The following GPM6B variants were observed in gnomAD, a reference collection of about 807,000 sequenced individuals.
GPM6B encodes glycoprotein M6B.
A neutral mutation model predicts 27.2 loss-of-function variants in GPM6B; 4 were observed. The observed-to-expected ratio is 0.15, with a 90% CI of 0.07 to 0.34. The LOEUF (loss-of-function observed/expected upper bound fraction) is 0.34, where lower values mean the gene tolerates loss of function less well. Among genes scored for constraint, GPM6B ranks in the 10% least tolerant of loss-of-function variants. The probability of loss-of-function intolerance (pLI) is 1.00; values close to 1 mark genes in which losing one functional copy is unlikely to be tolerated. For synonymous variants in GPM6B, 124 were observed against 103.1 expected (o/e 1.20, Z -1.23); for missense variants, 183 against 261.9 (o/e 0.70, Z 2.08).
At position 13,934,247 on chromosome X, in the gene GPM6B, G is replaced by A. The variant is rs111428914; in HGVS notation, c.-198+4080C>T. On this transcript the variant is annotated intron_variant, in intron 1 of 6. Transcript: ENST00000398361. ...GGAGCTCTCTCCAAGATCCAAGGGTGGGCTCCTTACTAGATCTTTAGACTC... is the reference window on the plus strand; with the variant it reads ...GGAGCTCTCTCCAAGATCCAAGGGTAGGCTCCTTACTAGATCTTTAGACTC... Among the ~76,000 whole-genome samples the A allele has an allele frequency of 2.4e-3, 271 of 111,238 alleles. 1 individual carries two copies. Among genetic ancestry groups the A allele is most frequent in the African/African-American group, 8.4e-3 (258 of 30,639 alleles).
chrX:13,861,005 T>TACACACAC (rs55808485), intron 1 of GPM6B, among the ~76,000 whole-genome samples: 4 of 79,387 alleles, frequency 5.0e-5, no homozygotes, highest in African/African-American at 2.5e-4. Context: ...TGAATGTGCA[T>TACACACAC]ACACACACAC....
chrX:13,794,336 T>C (rs112755267), intron 2 of GPM6B, among the ~76,000 whole-genome samples: 3 of 111,129 alleles, frequency 2.7e-5, no homozygotes, highest in African/African-American at 9.8e-5. Context: ...AGGAAAACTT[T>C]AACCTGCGTA....
chrX:13,857,253 C>T (rs2049792022), intron 1 of GPM6B, among the ~76,000 whole-genome samples: 1 of 111,569 alleles, frequency 9.0e-6, no homozygotes, highest in Non-Finnish European at 1.9e-5. Context: ...TGGCTTATGA[C>T]CTGGACATCT....
intron 1 of GPM6B, among the ~76,000 whole-genome samples, chrX:13,903,858 G>C (rs1220137853): frequency 1.8e-5 from 2 of 111,737 alleles, no homozygotes; most frequent in Non-Finnish European, 3.8e-5. Context: ...GGGCTTTGAA[G>C]GCTGGGTGGA....
chrX:13,774,140 C>A, intron 7 of GPM6B: 1 of 758,226 alleles, frequency 1.3e-6, no homozygotes, highest in Non-Finnish European at 1.6e-6. Flanking sequence ...TAAAACGGTT[C>A]TCTTCCATTT....
intron 5 of GPM6B, among the ~76,000 whole-genome samples, chrX:13,778,482 T>C (rs1020289286): frequency 8.9e-6 from 1 of 112,466 alleles, no homozygotes. Flanking sequence ...TGCTGCTTTT[T>C]TTCCCCTTTA....
chrX:13,791,827 G>A lies in GPM6B; in HGVS notation c.182-6019C>T, dbSNP rs184457027. Among the ~76,000 whole-genome samples the A allele has an allele frequency of 6.0e-3, 659 of 110,595 alleles. 4 individuals are homozygous for A. The highest frequency in any genetic ancestry group is 8.5e-3 in the Non-Finnish European group (451 of 52,917). On this transcript the variant is annotated intron_variant, in intron 2 of 7. Transcript: ENST00000316715. ...CTGCAGATTTAATGCTGGCTCAGAC[G>A]TAGGGCTGGCAGGAACAAGGGCTCA...
chrX:13,815,128 T>C (rs2049209748), intron 1 of GPM6B, among the ~76,000 whole-genome samples: 1 of 111,992 alleles, frequency 8.9e-6, no homozygotes, highest in Non-Finnish European at 1.9e-5. Flanking sequence ...CACAGTTGTG[T>C]AGTAATGATT....
chrX:13,852,652 T>C (rs1285103226), intron 1 of GPM6B, among the ~76,000 whole-genome samples: 3 of 111,589 alleles, frequency 2.7e-5, no homozygotes, highest in Non-Finnish European at 5.6e-5. Context: ...CGTTCTATTC[T>C]AGCTGCAGTC....
intron 1 of GPM6B, among the ~76,000 whole-genome samples, chrX:13,837,428 G>A (rs1213424129): frequency 1.8e-5 from 2 of 111,499 alleles, no homozygotes; most frequent in African/African-American, 3.3e-5. Context: ...TGGGGGAAGG[G>A]CAGAACAGAC....
chrX:13,866,324 T>C (rs188650481), intron 1 of GPM6B, among the ~76,000 whole-genome samples: 36 of 112,033 alleles, frequency 3.2e-4, no homozygotes, highest in Non-Finnish European at 5.5e-4. Context: ...GATCGCGCCA[T>C]TGCACTCCAG....
chrX:13,827,953 A>G (rs2049395630), intron 1 of GPM6B, among the ~76,000 whole-genome samples: 1 of 110,702 alleles, frequency 9.0e-6, no homozygotes, highest in Admixed American at 9.6e-5. Flanking sequence ...ATGAGTTTCT[A>G]CCTGTCGGGC....
chrX:13,802,097 T>TAC (rs950527227), intron 2 of GPM6B, among the ~76,000 whole-genome samples: 1 of 111,256 alleles, frequency 9.0e-6, no homozygotes, highest in African/African-American at 3.3e-5. Context: ...TAATTCCAGT[T>TAC]ACCTCTAAGG....
chrX:13,820,793 A>G (rs1019502925), upstream of GPM6B, among the ~76,000 whole-genome samples: 5 of 111,753 alleles, frequency 4.5e-5, no homozygotes, highest in African/African-American at 1.6e-4. Context: ...ACTGTATTCT[A>G]AGAGCTCTTG....
At chrX:13,791,640 G>A (rs1468420966) in intron 2 of GPM6B, among the ~76,000 whole-genome samples, 1 of 111,452 alleles carries the variant, frequency 9.0e-6, no homozygotes, top group Non-Finnish European at 1.9e-5. Context: ...ACACATCAAT[G>A]CCTTTAAGTC....
intron 1 of GPM6B, among the ~76,000 whole-genome samples, chrX:13,812,640 A>T (rs17300716): frequency 0.3 from 32,816 of 110,623 alleles, 3,785 homozygotes; most frequent in Middle Eastern, 0.39. Flanking sequence ...ACATCAAGAC[A>T]AAGTCACTTT....
chrX:13,848,378 T>C (rs190543663), intron 1 of GPM6B, among the ~76,000 whole-genome samples: 181 of 111,594 alleles, frequency 1.6e-3, no homozygotes, highest in African/African-American at 5.7e-3. Context: ...CATCTCAGAG[T>C]GTACTTCCTA....
chrX:13,842,101 C>T (rs759721813), intron 1 of GPM6B, among the ~76,000 whole-genome samples: 4 of 111,703 alleles, frequency 3.6e-5, no homozygotes, highest in East Asian at 2.8e-4. Flanking sequence ...CATTCCAAAA[C>T]GACTTTGATC....
chrX:13,841,763 C>G (rs931872304), intron 1 of GPM6B, among the ~76,000 whole-genome samples: 4 of 111,559 alleles, frequency 3.6e-5, no homozygotes, highest in Admixed American at 2.9e-4. Flanking sequence ...TTCAACCAAT[C>G]TACAATGGAA....
Sources: allele counts gnomAD v4.1 joint callset (sites outside exome capture counted in the v4.1 genomes callset), GRCh38; gene constraint gnomAD v4.1.1; transcripts MANE v1.5; gene names NCBI Gene and HGNC (gene_info 2026-07-23, HGNC 2026-07-21).